CFAP91: variants seen among roughly 807,000 people sequenced by gnomAD.
The protein encoded by CFAP91 is cilia and flagella associated protein 91.
A neutral mutation model predicts 95.9 loss-of-function variants in CFAP91; 85 were observed. The observed-to-expected ratio is 0.89, with a 90% CI of 0.74 to 1.06. The LOEUF is 1.06. CFAP91 is among the 50% of genes least tolerant of loss of function. CFAP91 has a pLI of 0.00. For synonymous variants in CFAP91, 335 were observed against 327.5 expected, an observed-to-expected ratio of 1.02 and a Z score of -0.25; for missense variants, 962 against 943.4, an observed-to-expected ratio of 1.02 and a Z score of -0.26.
At chr3:119,734,820 C>G (rs996152776) in intron 10 of CFAP91, among the ~76,000 whole-genome samples, 1 of 151,898 alleles carries the variant, frequency 6.6e-6, no homozygotes, top group South Asian at 2.1e-4. Flanking sequence ...CTTCCTTTTT[C>G]TTTTTTTGAG....
intron 6 of CFAP91, among the ~76,000 whole-genome samples, chr3:119,717,314 A>G (rs2053593731): frequency 6.6e-6 from 1 of 152,224 alleles, no homozygotes; most frequent in South Asian, 2.1e-4. Flanking sequence ...CAGAAGGACA[A>G]GAGCCAGGCA....
chr3:119,726,465 G>A (rs2053786500), intron 7 of CFAP91, 117 bp downstream of exon 7: 3 of 980,176 alleles, frequency 3.1e-6, no homozygotes, highest in Non-Finnish European at 4.3e-6. Context: ...TCAACCTATA[G>A]AGATAGGAAA....
In CFAP91 at chr3:119,703,224, T is replaced by G; in HGVS notation, c.124+2T>G. 1 of 1,611,706 alleles carries G rather than the reference T, an allele frequency of 6.2e-7. No homozygotes were observed. Among genetic ancestry groups the G allele is most frequent in the Non-Finnish European group, 8.5e-7 (1 of 1,179,030 alleles). On this transcript the variant is annotated splice_donor_variant, in intron 1 of 17. Transcript: ENST00000273390. LOFTEE classifies it high-confidence loss of function. ...ATCGAGCGTATGATTTTCTGTACGG[T>G]AAGGACCGCCGCAGACCTTCCTCCG...
intron 10 of CFAP91, among the ~76,000 whole-genome samples, chr3:119,735,055 G>A (rs924750568): frequency 6.6e-6 from 1 of 151,660 alleles, no homozygotes; most frequent in Non-Finnish European, 1.5e-5. Flanking sequence ...TGATAGTATT[G>A]TTTTATAATC....
intron 9 of CFAP91, 39 bp downstream of exon 9, chr3:119,732,515 G>A (rs766934187): frequency 7.8e-5 from 103 of 1,320,192 alleles, no homozygotes; most frequent in Non-Finnish European, 9.9e-5. Flanking sequence ...GTATAAGAAG[G>A]TTGTCTCAGA....
intron 6 of CFAP91, among the ~76,000 whole-genome samples, chr3:119,716,728 A>G (rs2053581626): frequency 6.6e-6 from 1 of 152,204 alleles, no homozygotes. Context: ...CTGGGAGTAC[A>G]GGTGCATGCC....
intron 13 of CFAP91, among the ~76,000 whole-genome samples, chr3:119,741,205 A>C (rs113167709): frequency 3.3e-5 from 5 of 152,154 alleles, no homozygotes; most frequent in African/African-American, 1.2e-4. Flanking sequence ...TTTTTTCTTT[A>C]TTTGCAAAAC....
In CFAP91 at chr3:119,732,428, A is replaced by T. The variant is rs538656317; in HGVS notation, c.1153A>T (p.Asn385Tyr). 29 of 1,611,278 alleles carry T rather than the reference A, an allele frequency of 1.8e-5. No homozygotes were observed. The South Asian group carries it at 2.7e-4, about 15-fold the overall frequency. ...TCGTCTTGGGTGTTTCCCAGACAAC[A>T]ACTCAGAGGACTTTGTAGTAAAAAA... ...LSRLGCFPDN[N>Y]SEDFVVKNYY... The change falls in exon 9 of 18, where the codon AAC becomes TAC. Residue 385 changes from asparagine to tyrosine, a missense_variant. By Grantham distance (143) the Asn-to-Tyr change is moderately radical (BLOSUM62 -2). Coordinates refer to ENST00000273390, the MANE Select transcript of CFAP91 (RefSeq NM_033364.4).
intron 8 of CFAP91, among the ~76,000 whole-genome samples, chr3:119,731,211 T>C (rs2053890081): frequency 6.6e-6 from 1 of 152,220 alleles, no homozygotes. Context: ...CACTCCAGCC[T>C]GGGTGACAGA....
chr3:119,711,895 C>T (rs1577199332), intron 5 of CFAP91, among the ~76,000 whole-genome samples: 1 of 152,358 alleles, frequency 6.6e-6, no homozygotes, highest in East Asian at 1.9e-4. Context: ...TGTGAAGCCC[C>T]TCTCTGTACA....
chr3:119,704,426 G>A (rs2053321596), intron 1 of CFAP91, among the ~76,000 whole-genome samples: 1 of 152,106 alleles, frequency 6.6e-6, no homozygotes, highest in African/African-American at 2.4e-5. Context: ...ACCTGGATGG[G>A]GAAAATCAGA....
chr3:119,735,879 A>G (rs2053991975), intron 10 of CFAP91, among the ~76,000 whole-genome samples: 1 of 151,978 alleles, frequency 6.6e-6, no homozygotes, highest in Non-Finnish European at 1.5e-5. Flanking sequence ...GAACAACAAT[A>G]TATTTTATTT....
At chr3:119,764,659 A>G (rs917582454) in intron 17 of CFAP91, among the ~76,000 whole-genome samples, 1 of 152,188 alleles carries the variant, frequency 6.6e-6, no homozygotes, top group African/African-American at 2.4e-5. Context: ...CAGTATACAG[A>G]GAATATTTCT....
At chr3:119,705,332 C>T (rs2053338104) in intron 1 of CFAP91, among the ~76,000 whole-genome samples, 1 of 152,220 alleles carries the variant, frequency 6.6e-6, no homozygotes, top group Admixed American at 6.5e-5. Flanking sequence ...AGATGAACAC[C>T]TTTCCAGGTT....
chr3:119,731,949 A>G (rs1359144002), intron 8 of CFAP91, among the ~76,000 whole-genome samples: 2 of 152,220 alleles, frequency 1.3e-5, no homozygotes, highest in African/African-American at 4.8e-5. Context: ...CCCACTGAAC[A>G]TGTATTTTCC....
At chr3:119,747,024 G>C in intron 14 of CFAP91, 91 bp from the exon 15 acceptor site, 1 of 977,068 alleles carries the variant, frequency 1.0e-6, no homozygotes, top group East Asian at 2.6e-5. Flanking sequence ...AAATATATGA[G>C]CTAGAAAAAG....
chr3:119,747,829 AGAG>A lies in CFAP91; in HGVS notation c.2074_2076del (p.Glu692del). The A allele has an allele frequency of 6.2e-7, 1 of 1,613,284 alleles. No individual in the cohort carries two copies. The highest frequency in any genetic ancestry group is 1.1e-5 in the South Asian group (1 of 90,924). On this transcript the variant is annotated inframe_deletion, in exon 16 of 18. Transcript: ENST00000273390. ...TTTTTAGCCGAACCTATCTTCAGTC[AGAG>A]GAGATTGTTGCTGAGTTGGTTTATA...
intron 10 of CFAP91, among the ~76,000 whole-genome samples, chr3:119,735,575 T>C (rs72625408): frequency 0.027 from 4,093 of 152,318 alleles, 175 homozygotes; most frequent in East Asian, 0.18. Context: ...CTCAATTGCA[T>C]TGTGATCAGA....
chr3:119,747,726 A>G, intron 15 of CFAP91, 85 bp from the exon 16 acceptor site: 1 of 1,046,448 alleles, frequency 9.6e-7, no homozygotes, highest in South Asian at 1.5e-5. Flanking sequence ...GTTTGAATGG[A>G]GTTGCTTACA....
Sources: gnomAD v4.1 joint callset for allele counts (sites outside exome capture counted in the v4.1 genomes callset) on GRCh38, gnomAD v4.1.1 for gene constraint, MANE v1.5 for transcripts, NCBI Gene and HGNC (gene_info 2026-07-23, HGNC 2026-07-21) for gene names.